SCAPER: variants seen among roughly 807,000 people sequenced by gnomAD.
SCAPER encodes S-phase cyclin A associated protein in the ER, also known as S phase cyclin A-associated protein in the endoplasmic reticulum.
A neutral mutation model predicts 182.2 loss-of-function variants in SCAPER; 98 were observed. That is an observed-to-expected ratio of 0.54 (90% CI 0.46 to 0.64). The LOEUF is 0.64. SCAPER is among the 30% of genes least tolerant of loss of function. The pLI, the probability that SCAPER is intolerant of heterozygous loss-of-function variation, is 0.00. For missense variants in SCAPER, 1,432 were observed against 1,690.0 expected, an observed-to-expected ratio of 0.85 and a Z score of 2.68; for synonymous variants, 605 against 564.6, an observed-to-expected ratio of 1.07 and a Z score of -1.01.
At chr15:76,708,228 T>C (rs973456086) in intron 17 of SCAPER, among the ~76,000 whole-genome samples, 4 of 152,206 alleles carry the variant, frequency 2.6e-5, no homozygotes, top group African/African-American at 7.2e-5. Context: ...GTTGTTATAC[T>C]GTACTTTTGG....
At chr15:76,876,599 AATTTATTAATCTGTTAATAAATTTAT>A (rs2073180353) in intron 2 of SCAPER, among the ~76,000 whole-genome samples, 2 of 152,204 alleles carry the variant, frequency 1.3e-5, no homozygotes, top group South Asian at 2.1e-4. Flanking sequence ...TAATTCACAG[AATTTATTAATCTGTTAATAAATTTAT>A]ATTTATTAAC....
intron 22 of SCAPER, among the ~76,000 whole-genome samples, chr15:76,620,124 TA>T (rs2051886934): frequency 6.6e-6 from 1 of 152,136 alleles, no homozygotes; most frequent in Non-Finnish European, 1.5e-5. Flanking sequence ...TACTTCTTTT[TA>T]TTGCTATTGT....
intron 18 of SCAPER, among the ~76,000 whole-genome samples, chr15:76,704,201 A>C (rs11858628): frequency 1.3e-4 from 20 of 152,336 alleles, no homozygotes; most frequent in African/African-American, 4.6e-4. Context: ...TCAAGTCATT[A>C]GTAAATTGCT....
chr15:76,842,572 C>G (rs1476325524), intron 4 of SCAPER, among the ~76,000 whole-genome samples: 1 of 152,138 alleles, frequency 6.6e-6, no homozygotes, highest in African/African-American at 2.4e-5. Flanking sequence ...AAACCTCTTT[C>G]CTTTTAAATT....
intron 25 of SCAPER, among the ~76,000 whole-genome samples, chr15:76,447,539 C>T (rs1416385800): frequency 4.1e-5 from 6 of 147,852 alleles, no homozygotes. Flanking sequence ...AGTAGAGGCT[C>T]CCAGCAGGTG....
intron 29 of SCAPER, among the ~76,000 whole-genome samples, chr15:76,360,589 T>TCTTGCATGGCTCTGCCAGCCC (rs1239633880): frequency 1.3e-5 from 2 of 152,272 alleles, no homozygotes; most frequent in Non-Finnish European, 2.9e-5. Flanking sequence ...CCAGCCAGCT[T>TCTTGCATGGCTCTGCCAGCCC]CTTGCATGGC....
chr15:76,545,111 G>A (rs763092384), intron 23 of SCAPER, among the ~76,000 whole-genome samples: 1 of 152,100 alleles, frequency 6.6e-6, no homozygotes, highest in Non-Finnish European at 1.5e-5. Flanking sequence ...GGGCCAATGA[G>A]ATTTTTTTCC....
chr15:76,855,150 GACAAGACAAAA>G lies in SCAPER; in HGVS notation c.195+2648_195+2658del, dbSNP rs2071209508. ...ACACACCTACAACTATCTGATCTTT[GACAAGACAAAA>G]ACAAGATATGGAGAAAGGACTCTCT... is the stretch of plus-strand genomic sequence containing the variant. On this transcript the variant is annotated intron_variant, in intron 4 of 31. Transcript: ENST00000563290. 4.6e-5 allele frequency among the ~76,000 whole-genome samples: 7 copies of G among 152,110 alleles called. No homozygotes were observed. The South Asian group carries it at 1.5e-3, about 32-fold the overall frequency.
chr15:76,674,893 T>C (rs1456893093), intron 20 of SCAPER, among the ~76,000 whole-genome samples: 1 of 152,182 alleles, frequency 6.6e-6, no homozygotes, highest in Non-Finnish European at 1.5e-5. Flanking sequence ...AAGGCAAAAA[T>C]TAAAATTTCT....
intron 29 of SCAPER, among the ~76,000 whole-genome samples, chr15:76,365,788 C>T (rs960270790): frequency 6.6e-6 from 1 of 152,102 alleles, no homozygotes; most frequent in African/African-American, 2.4e-5. Flanking sequence ...GGAGTAAGTC[C>T]TTCTCCTCTC....
chr15:76,778,049 G>T (rs1173134319), intron 8 of SCAPER, among the ~76,000 whole-genome samples: 3 of 152,194 alleles, frequency 2.0e-5, no homozygotes, highest in East Asian at 3.9e-4. Flanking sequence ...CAGCTGTTGG[G>T]TAAGATTCAG....
chr15:76,689,440 T>C (rs2058223718), intron 20 of SCAPER, among the ~76,000 whole-genome samples: 1 of 152,068 alleles, frequency 6.6e-6, no homozygotes, highest in Non-Finnish European at 1.5e-5. Context: ...ACTTACTATG[T>C]GTATATTTTA....
chr15:76,798,918 T>C (rs749773415), intron 7 of SCAPER, among the ~76,000 whole-genome samples: 3 of 150,890 alleles, frequency 2.0e-5, no homozygotes, highest in Non-Finnish European at 1.5e-5. Flanking sequence ...GGACAATAGA[T>C]AGTAACTCGA....
chr15:76,438,752 A>T (rs1436207789), intron 25 of SCAPER, among the ~76,000 whole-genome samples: 1 of 152,224 alleles, frequency 6.6e-6, no homozygotes, highest in Non-Finnish European at 1.5e-5. Flanking sequence ...CCTATTTTCC[A>T]ACAGTCTCAC....
At chr15:76,707,507 A>T (rs2059321441) in intron 17 of SCAPER, among the ~76,000 whole-genome samples, 1 of 152,120 alleles carries the variant, frequency 6.6e-6, no homozygotes, top group African/African-American at 2.4e-5. Flanking sequence ...TACAAGAAAT[A>T]TTTTTTAAAA....
intron 2 of SCAPER, among the ~76,000 whole-genome samples, chr15:76,871,604 ACT>A (rs1323363513): frequency 7.7e-6 from 1 of 129,382 alleles, no homozygotes; most frequent in African/African-American, 3.0e-5. Flanking sequence ...ATGGAGTCTC[ACT>A]CTGTCACCCA....
Position 76,825,482 on chromosome 15 carries a change from C to G in SCAPER, c.393+16252G>C, listed in dbSNP as rs552101593. Among the ~76,000 whole-genome samples, 31 of 152,330 alleles carry G rather than the reference C, an allele frequency of 2.0e-4. No individual in the cohort carries two copies. The East Asian group carries it at 4.6e-3, about 23-fold the overall frequency. ...AGTGCTATAAAAACAAAAGTCCTTT[C>G]TCTTTCAAACCATATTTGTCCATAG... On this transcript the variant is annotated intron_variant, in intron 5 of 31. Coordinates refer to ENST00000563290, the MANE Select transcript of SCAPER (RefSeq NM_020843.4).
chr15:76,632,087 C>A (rs1453485152), intron 21 of SCAPER, among the ~76,000 whole-genome samples: 1 of 152,148 alleles, frequency 6.6e-6, no homozygotes, highest in Non-Finnish European at 1.5e-5. Flanking sequence ...GCGACTGATA[C>A]TTGTGTTTGC....
At chr15:76,558,391 G>C (rs1159604760) in intron 23 of SCAPER, among the ~76,000 whole-genome samples, 6 of 152,172 alleles carry the variant, frequency 3.9e-5, no homozygotes, top group Non-Finnish European at 8.8e-5. Flanking sequence ...TGTGAAAAAT[G>C]CTCAACACCA....
Sources: gnomAD v4.1 joint callset for allele counts (sites outside exome capture counted in the v4.1 genomes callset) on GRCh38, gnomAD v4.1.1 for gene constraint, MANE v1.5 for transcripts, NCBI Gene and HGNC (gene_info 2026-07-23, HGNC 2026-07-21) for gene names.